Variants in EPHA4 observed in about 807,000 individuals in gnomAD.
EPHA4 encodes ephrin type-A receptor 4.
A neutral mutation model predicts 108.3 loss-of-function variants in EPHA4; 19 were observed. The ratio of observed to expected loss-of-function variants is 0.18; its 90% CI spans 0.12 to 0.26. The LOEUF (loss-of-function observed/expected upper bound fraction) is 0.26. Ranked by LOEUF, EPHA4 falls within the 10% of genes least tolerant of loss-of-function variation. The pLI, the probability that EPHA4 is intolerant of heterozygous loss-of-function variation, is 1.00. For synonymous variants in EPHA4, 449 were observed against 455.5 expected (o/e 0.99, Z 0.18); for missense variants, 917 against 1,254.0 (o/e 0.73, Z 4.06).
chr2:221,437,348 T>A, intron 11 of EPHA4: 1 of 419,962 alleles, frequency 2.4e-6, no homozygotes, highest in East Asian at 3.6e-5. Flanking sequence ...GGTGGCTTGT[T>A]GACAAGGTCT....
chr2:221,520,712 C>G (rs1693139589), intron 3 of EPHA4, among the ~76,000 whole-genome samples: 1 of 152,148 alleles, frequency 6.6e-6, no homozygotes, highest in African/African-American at 2.4e-5. Flanking sequence ...TCCCCCACAT[C>G]CTATTTTTGA....
chr2:221,486,742 A>AATAATG (rs1691984931), intron 4 of EPHA4, among the ~76,000 whole-genome samples: 1 of 142,920 alleles, frequency 7.0e-6, no homozygotes, highest in South Asian at 2.2e-4. Flanking sequence ...TCAAAATAAT[A>AATAATG]ATAATAATAA....
chr2:221,441,404 A>G lies in EPHA4; in HGVS notation c.2074+1425T>C, dbSNP rs569843765. On this transcript the variant is annotated intron_variant, in intron 11 of 17. Coordinates refer to ENST00000281821, the MANE Select transcript of EPHA4 (RefSeq NM_004438.5). Reference sequence around the variant, plus strand: ...TGGAAACCGTGGGCATTACCTTAGGAATAGTCAAACTCCAGGGGAAGATTA... The same window carrying G: ...TGGAAACCGTGGGCATTACCTTAGGGATAGTCAAACTCCAGGGGAAGATTA... Among the ~76,000 whole-genome samples the G allele has an allele frequency of 2.0e-5, 3 of 151,946 alleles. No homozygotes were observed. In the South Asian group the frequency reaches 6.2e-4, roughly 32 times the overall value.
At chr2:221,508,954 C>A (rs1344559018) in intron 3 of EPHA4, among the ~76,000 whole-genome samples, 1 of 152,168 alleles carries the variant, frequency 6.6e-6, no homozygotes, top group Non-Finnish European at 1.5e-5. Context: ...TATTTTATTT[C>A]AAGTATTTGT....
chr2:221,539,301 AT>A (rs1256876459), intron 3 of EPHA4, among the ~76,000 whole-genome samples: 1 of 152,250 alleles, frequency 6.6e-6, no homozygotes, highest in Non-Finnish European at 1.5e-5. Flanking sequence ...GAGAAAAATT[AT>A]TAATTTGCCT....
chr2:221,443,216 C>CA (rs1261609633), intron 10 of EPHA4, among the ~76,000 whole-genome samples: 18 of 151,834 alleles, frequency 1.2e-4, no homozygotes, highest in Admixed American at 6.6e-4. Context: ...AGGCTTAATG[C>CA]AAAAAACCTA....
At chr2:221,522,200 T>TA (rs1261927284) in intron 3 of EPHA4, among the ~76,000 whole-genome samples, 3 of 152,120 alleles carry the variant, frequency 2.0e-5, no homozygotes, top group East Asian at 1.9e-4. Context: ...GGCCCAGTGT[T>TA]ACAGATAATG....
intron 3 of EPHA4, among the ~76,000 whole-genome samples, chr2:221,556,164 A>G (rs1034903652): frequency 6.6e-6 from 1 of 152,262 alleles, no homozygotes. Context: ...CTGAAAAATA[A>G]ATTTTTAAAT....
chr2:221,424,138 TA>T lies in EPHA4; in HGVS notation c.*819+1070del, dbSNP rs1161671017. On this transcript the variant is annotated intron_variant, in intron 17 of 17. Transcript: ENST00000281821. ...CAAATAGTAATAATAATAATAATAA[TA>T]ATTTTTTTTTTTTACCAAGCAAGCA... 4.1e-5 allele frequency among the ~76,000 whole-genome samples: 5 copies of T among 121,658 alleles called. No homozygotes were observed. The East Asian group carries it at 6.7e-4, about 16-fold the overall frequency. The allele number at this position is 121,658 out of a possible 152,430, so 79.8% of individuals were successfully genotyped here.
intron 7 of EPHA4, among the ~76,000 whole-genome samples, chr2:221,456,246 G>A (rs1054115087): frequency 4.6e-5 from 7 of 151,514 alleles, no homozygotes; most frequent in Admixed American, 2.6e-4. Context: ...TATTTTTGGC[G>A]CCTTCTTTAA....
chr2:221,504,863 C>T (rs1216694038), intron 3 of EPHA4, among the ~76,000 whole-genome samples: 2 of 152,166 alleles, frequency 1.3e-5, no homozygotes, highest in Non-Finnish European at 2.9e-5. Context: ...AAGCATTTAA[C>T]TCCAGTGCTT....
intron 3 of EPHA4, among the ~76,000 whole-genome samples, chr2:221,518,585 C>T (rs1693059382): frequency 6.6e-6 from 1 of 152,208 alleles, no homozygotes; most frequent in Admixed American, 6.5e-5. Context: ...TTGCCTTTAG[C>T]ATCTAAATGT....
chr2:221,494,435 C>T (rs6731133), intron 4 of EPHA4, among the ~76,000 whole-genome samples: 64,002 of 151,860 alleles, frequency 0.42, 13,563 homozygotes, highest in East Asian at 0.53. Flanking sequence ...GAAACCCAGG[C>T]TCTACTAAAA....
chr2:221,537,056 C>T (rs1236886430), intron 3 of EPHA4, among the ~76,000 whole-genome samples: 1 of 152,184 alleles, frequency 6.6e-6, no homozygotes, highest in Non-Finnish European at 1.5e-5. Context: ...TGCCGTGGGA[C>T]TTTGAATGCA....
At chr2:221,540,902 T>G (rs16862819) in intron 3 of EPHA4, among the ~76,000 whole-genome samples, 2,983 of 151,726 alleles carry the variant, frequency 0.02, 102 homozygotes, top group African/African-American at 0.068. Context: ...GTAGGGCCAA[T>G]TCAGTGTCCA....
At chr2:221,494,858 G>C (rs914200969) in intron 4 of EPHA4, among the ~76,000 whole-genome samples, 1 of 152,068 alleles carries the variant, frequency 6.6e-6, no homozygotes, top group Non-Finnish European at 1.5e-5. Flanking sequence ...GTCATTCGTA[G>C]AGTTAAAGGA....
intron 4 of EPHA4, among the ~76,000 whole-genome samples, chr2:221,487,511 T>C (rs1278621518): frequency 6.6e-6 from 1 of 152,234 alleles, no homozygotes; most frequent in Non-Finnish European, 1.5e-5. Flanking sequence ...GAAAACTTTA[T>C]CTCTGAAGAA....
At chr2:221,460,014 G>GA (rs1320068154) in intron 5 of EPHA4, among the ~76,000 whole-genome samples, 3 of 152,108 alleles carry the variant, frequency 2.0e-5, no homozygotes, top group Non-Finnish European at 4.4e-5. Context: ...CTGCATATGG[G>GA]AAATGAGCTT....
At chr2:221,448,004 G>T (rs13411305) in intron 8 of EPHA4, among the ~76,000 whole-genome samples, 1 of 151,764 alleles carries the variant, frequency 6.6e-6, no homozygotes, top group African/African-American at 2.4e-5. Flanking sequence ...ACCCATGCTC[G>T]GCTAATTTTG....
Sources: allele counts gnomAD v4.1 joint callset (sites outside exome capture counted in the v4.1 genomes callset), GRCh38; gene constraint gnomAD v4.1.1; transcripts MANE v1.5; gene names NCBI Gene and HGNC (gene_info 2026-07-23, HGNC 2026-07-21).